Variants in UBXN2A observed in about 807,000 individuals in gnomAD.
UBXN2A encodes the protein UBX domain protein 2A, also known as UBX domain-containing protein 2A.
Under a neutral mutation model 28.4 loss-of-function variants are expected in UBXN2A, and 28 were observed. The observed-to-expected ratio is 0.99, with a 90% CI of 0.73 to 1.35. UBXN2A has a LOEUF of 1.35. Among genes scored for constraint, UBXN2A ranks in the 40% most tolerant of loss-of-function variants. The pLI is 0.00. For missense variants in UBXN2A, 253 were observed against 297.9 expected (o/e 0.85, Z 1.11); for synonymous variants, 97 against 103.6 (o/e 0.94, Z 0.39).
At chr2:23,951,401 T>C (rs1335579619) in intron 1 of UBXN2A, among the ~76,000 whole-genome samples, 3 of 138,838 alleles carry the variant, frequency 2.2e-5, no homozygotes, top group Middle Eastern at 3.6e-3. Flanking sequence ...ATAATTGATA[T>C]ACAGTAAGAT....
chr2:23,957,785 G>A lies in UBXN2A; in HGVS notation c.-14-516G>A, dbSNP rs568801774. On this transcript the variant is annotated intron_variant, in intron 1 of 6. Coordinates refer to ENST00000309033, the MANE Select transcript of UBXN2A (RefSeq NM_181713.4). The stretch of plus-strand genomic sequence containing the variant: ...GGAGATGGAGGTTGTGGTGAGCCGA[G>A]ATTGTGCCATTGCACTCCAGCCTGG... Among the ~76,000 whole-genome samples the A allele has an allele frequency of 3.9e-5, 6 of 152,314 alleles. No homozygotes were observed. The South Asian group carries it at 1.2e-3, about 32-fold the overall frequency.
rs190931499 is a variant in UBXN2A at position 23,989,628 on chromosome 2, C to T, written c.584+4797C>T. Among the ~76,000 whole-genome samples, 13 of 151,476 alleles carry T rather than the reference C, an allele frequency of 8.6e-5. No individual in the cohort carries two copies. In the South Asian group the frequency reaches 2.3e-3, roughly 27 times the overall value. Reference sequence around the variant, plus strand: ...CCACTTTCAGTCTGGTAGGGCCAGGCGTGGTGGCTCATACCTGTAATCCCA... The same window carrying T: ...CCACTTTCAGTCTGGTAGGGCCAGGTGTGGTGGCTCATACCTGTAATCCCA... On this transcript the variant is annotated intron_variant, in intron 6 of 6. Transcript: ENST00000309033.
intron 6 of UBXN2A, among the ~76,000 whole-genome samples, chr2:23,995,705 G>C: frequency 7.1e-6 from 1 of 140,428 alleles, no homozygotes; most frequent in Middle Eastern, 3.3e-3. Context: ...AAAAAAAAAA[G>C]AAAAGAAAAA....
intron 6 of UBXN2A, among the ~76,000 whole-genome samples, chr2:23,993,733 G>T (rs1474324656): frequency 2.1e-5 from 3 of 144,184 alleles, no homozygotes; most frequent in Admixed American, 7.3e-5. Context: ...CTGTCACCTG[G>T]TTGGAGCGCA....
intron 1 of UBXN2A, among the ~76,000 whole-genome samples, chr2:23,945,143 G>T (rs1706001630): frequency 6.6e-6 from 1 of 152,070 alleles, no homozygotes; most frequent in Non-Finnish European, 1.5e-5. Flanking sequence ...CCTGGAATGA[G>T]AATGTCCTGG....
At chr2:23,973,574 G>A (rs141394537) in intron 3 of UBXN2A, among the ~76,000 whole-genome samples, 3,403 of 151,462 alleles carry the variant, frequency 0.022, 137 homozygotes, top group African/African-American at 0.078. Flanking sequence ...TCCTGACCTC[G>A]TGATCTGCCC....
intron 1 of UBXN2A, among the ~76,000 whole-genome samples, chr2:23,955,721 G>A (rs569507633): frequency 1.9e-4 from 29 of 152,242 alleles, no homozygotes; most frequent in African/African-American, 2.6e-4. Context: ...AACTATTTGC[G>A]TATCCAAACA....
chr2:23,955,891 A>G (rs940933525), intron 1 of UBXN2A, among the ~76,000 whole-genome samples: 1 of 152,222 alleles, frequency 6.6e-6, no homozygotes, highest in African/African-American at 2.4e-5. Context: ...CTGTGAGTTT[A>G]TTAAAGGGTT....
chr2:23,966,079 T>C (rs1250967802), intron 2 of UBXN2A, among the ~76,000 whole-genome samples: 2 of 152,202 alleles, frequency 1.3e-5, no homozygotes, highest in Non-Finnish European at 2.9e-5. Flanking sequence ...TTACCACCTG[T>C]TCAATGGAGC....
chr2:24,003,489 C>A lies in UBXN2A; in HGVS notation c.*3622C>A, dbSNP rs1708753488. 6.6e-6 allele frequency: 1 copy of A among 152,126 alleles called. No individual in the cohort carries two copies. The highest frequency in any genetic ancestry group is 2.4e-5 in the African/African-American group (1 of 41,434). 9.4% of individuals were successfully genotyped at this position (152,126 alleles called of 1,614,324 possible). A position where few individuals can be genotyped will look rare whatever the true frequency, so the allele number is the denominator to read the frequency against. On this transcript the variant is annotated 3_prime_UTR_variant, in exon 7 of 7. Coordinates refer to ENST00000309033, the MANE Select transcript of UBXN2A (RefSeq NM_181713.4). Reference sequence around the variant, plus strand: ...GTAACTAGATGACCTGACATAAAATCTATCTTCTGATTGCAGTCTATTGTG... The same window carrying A: ...GTAACTAGATGACCTGACATAAAATATATCTTCTGATTGCAGTCTATTGTG...
At chr2:23,990,531 C>A (rs1708313352) in intron 6 of UBXN2A, among the ~76,000 whole-genome samples, 1 of 66,716 alleles carries the variant, frequency 1.5e-5, no homozygotes. Context: ...CTTTGGGAGG[C>A]CGGGGGGGCG....
chr2:23,983,405 G>C (rs1426280081), intron 5 of UBXN2A, among the ~76,000 whole-genome samples: 1 of 151,996 alleles, frequency 6.6e-6, no homozygotes, highest in East Asian at 2.0e-4. Context: ...TCCTCGGGAG[G>C]CTGAGGCAGG....
In UBXN2A at chr2:23,971,415, G is replaced by GTAAATAAATGTCTATTACT; in HGVS notation, c.180+3_180+21dup. The GTAAATAAATGTCTATTACT allele has an allele frequency of 6.5e-7, 1 of 1,530,908 alleles. No individual in the cohort carries two copies. Among genetic ancestry groups the GTAAATAAATGTCTATTACT allele is most frequent in the Non-Finnish European group, 8.9e-7 (1 of 1,128,546 alleles). The allele number at this position is 1,530,908 out of a possible 1,614,324, so 94.8% of individuals were successfully genotyped here. Reference sequence around the variant, plus strand: ...GTCTCCCGCTGAACAGAAGAAACAGGTAAATAAATGTCTATTACTTTTCTT... The same window carrying GTAAATAAATGTCTATTACT: ...GTCTCCCGCTGAACAGAAGAAACAGGTAAATAAATGTCTATTACTTAAATAAATGTCTATTACTTTTCTT... On this transcript the variant is annotated splice_donor_variant, in intron 3 of 6. Transcript: ENST00000309033. LOFTEE classifies it high-confidence loss of function.
At chr2:23,957,839 A>C (rs1706705776) in intron 1 of UBXN2A, among the ~76,000 whole-genome samples, 1 of 152,118 alleles carries the variant, frequency 6.6e-6, no homozygotes. Context: ...CATCTCAAAA[A>C]TAAATAAATA....
intron 4 of UBXN2A, among the ~76,000 whole-genome samples, chr2:23,980,647 A>G (rs1340436533): frequency 1.3e-5 from 2 of 151,982 alleles, no homozygotes; most frequent in African/African-American, 2.4e-5. Flanking sequence ...TGTTTTTTTG[A>G]GACAGAGTCT....
chr2:23,989,508 C>T (rs1708259996), intron 6 of UBXN2A, among the ~76,000 whole-genome samples: 2 of 151,662 alleles, frequency 1.3e-5, no homozygotes, highest in Admixed American at 6.6e-5. Context: ...CTGCCTCGGC[C>T]TCCCAAAGTG....
At chr2:23,944,450 T>C (rs565199224) in intron 1 of UBXN2A, 2 of 796,188 alleles carry the variant, frequency 2.5e-6, no homozygotes, top group South Asian at 2.8e-5. Context: ...GTTCTCCTTA[T>C]TTGTTTAGAT....
At chr2:23,981,497 AAAAAAAAAAAT>A (rs1707901724) in intron 4 of UBXN2A, among the ~76,000 whole-genome samples, 3 of 149,546 alleles carry the variant, frequency 2.0e-5, no homozygotes, top group Non-Finnish European at 4.5e-5. Flanking sequence ...AAAAAAAAAA[AAAAAAAAAAAT>A]AGAAAAGTGC....
At chr2:23,981,722 C>CT (rs1214301951) in intron 4 of UBXN2A, among the ~76,000 whole-genome samples, 3 of 151,500 alleles carry the variant, frequency 2.0e-5, no homozygotes, top group African/African-American at 7.3e-5. Flanking sequence ...GGTGAAACCC[C>CT]ATCTTTACAA....
Sources: gnomAD v4.1 joint callset for allele counts (sites outside exome capture counted in the v4.1 genomes callset) on GRCh38, gnomAD v4.1.1 for gene constraint, MANE v1.5 for transcripts, NCBI Gene and HGNC (gene_info 2026-07-23, HGNC 2026-07-21) for gene names.